PCNT: variants seen among roughly 807,000 people sequenced by gnomAD.
PCNT encodes the protein pericentrin.
PCNT carries 319 observed loss-of-function variants against 380.4 expected under a neutral mutation model. That is an observed-to-expected ratio of 0.84 (90% CI 0.77 to 0.92). The LOEUF is 0.92. Among genes scored for constraint, PCNT ranks in the 40% least tolerant of loss-of-function variants. The pLI is 0.00. For missense variants in PCNT, 4,400 were observed against 4,255.3 expected (o/e 1.03, Z -0.95); for synonymous variants, 1,845 against 1,735.2 (o/e 1.06, Z -1.57).
chr21:46,396,961 C>A (rs1197410764), intron 21 of PCNT, among the ~76,000 whole-genome samples: 1 of 152,130 alleles, frequency 6.6e-6, no homozygotes, highest in Non-Finnish European at 1.5e-5. Flanking sequence ...ACGTCACAAC[C>A]CCAGGCTCTC....
chr21:46,385,804 C>T (rs375521404), intron 16 of PCNT, 28 bp from the exon 17 acceptor site: 41 of 1,613,352 alleles, frequency 2.5e-5, no homozygotes, highest in Non-Finnish European at 3.0e-5. Context: ...ATTGTTTTAA[C>T]GAAAGCTTTA....
chr21:46,350,782 C>T (rs1269953931), intron 8 of PCNT, among the ~76,000 whole-genome samples: 1 of 152,036 alleles, frequency 6.6e-6, no homozygotes, highest in Non-Finnish European at 1.5e-5. Flanking sequence ...TCCAGGCTCT[C>T]CCTCCGAGAT....
chr21:46,432,238 G>A, intron 38 of PCNT, 23 bp downstream of exon 38: 1 of 1,589,300 alleles, frequency 6.3e-7, no homozygotes, highest in East Asian at 2.3e-5. Context: ...TGCCGGCGGA[G>A]CGTCCACACC....
chr21:46,383,021 C>T (rs1426366855), intron 16 of PCNT, among the ~76,000 whole-genome samples: 5 of 140,092 alleles, frequency 3.6e-5, no homozygotes, highest in East Asian at 2.1e-4. Context: ...CATTCAGTGG[C>T]GGAAGCCCAT....
Position 46,324,419 on chromosome 21 carries a change from G to A in PCNT, c.54+137G>A, listed in dbSNP as rs907621917. The A allele has an allele frequency of 1.4e-5, 11 of 795,166 alleles. No homozygotes were observed. The South Asian group carries it at 1.6e-4, about 12-fold the overall frequency. 49.3% of individuals were successfully genotyped at this position (795,166 alleles called of 1,614,324 possible). On this transcript the variant is annotated intron_variant, in intron 1 of 46. Transcript: ENST00000359568. ...GCGGAGGTCTCGCTTTTTCCCGCCGGCTCCGCTGGAAGCCGCCTCCTGGCC... is the reference window on the plus strand; with the variant it reads ...GCGGAGGTCTCGCTTTTTCCCGCCGACTCCGCTGGAAGCCGCCTCCTGGCC...
At chr21:46,429,123 T>G (rs553178703) in intron 35 of PCNT, among the ~76,000 whole-genome samples, 1 of 152,288 alleles carries the variant, frequency 6.6e-6, no homozygotes, top group East Asian at 1.9e-4. Flanking sequence ...CCTCTGTTCC[T>G]AGTTTTGGAT....
At chr21:46,391,638 G>C (rs1252047387) in intron 21 of PCNT, among the ~76,000 whole-genome samples, 1 of 152,324 alleles carries the variant, frequency 6.6e-6, no homozygotes. Context: ...GTGGAAATAA[G>C]AGGGGCTCTG....
chr21:46,324,210 C>A lies in PCNT; in HGVS notation c.-19C>A, dbSNP rs749062393. On this transcript the variant is annotated 5_prime_UTR_variant, in exon 1 of 47. Coordinates refer to ENST00000359568, the MANE Select transcript of PCNT (RefSeq NM_006031.6). ...TCAGCCCCGTCACCGCCGGGCGGCC[C>A]GCGCGGAGTCTGAGGGAGATGGAAG... The A allele has an allele frequency of 1.2e-6, 2 of 1,607,218 alleles. No homozygotes were observed. The highest frequency in any genetic ancestry group is 3.4e-5 in the Admixed American group (2 of 59,188).
At chr21:46,341,990 C>T (rs1033156558) in intron 3 of PCNT, among the ~76,000 whole-genome samples, 1 of 149,380 alleles carries the variant, frequency 6.7e-6, no homozygotes, top group African/African-American at 2.5e-5. Context: ...TGCCCAGCCT[C>T]GAGTGTGGTG....
rs897223508 is a variant in PCNT, at chr21:46,388,614, C to T, written c.3465-128C>T. ...ACATGGGCATGAGGATCATGTCTTC[C>T]GGCCCCGTGGGGACAGGCAGCCGTG... On this transcript the variant is annotated intron_variant, in intron 17 of 46. Coordinates refer to ENST00000359568, the MANE Select transcript of PCNT (RefSeq NM_006031.6). The surrounding 1 kb of genome is among the most constrained non-coding windows in gnomAD (Gnocchi z 4.2). 7.4e-5 allele frequency: 88 copies of T among 1,181,934 alleles called. No homozygotes were observed. The highest frequency in any genetic ancestry group is 2.4e-4 in the African/African-American group (16 of 67,082). The allele number at this position is 1,181,934 out of a possible 1,614,324, so 73.2% of individuals were successfully genotyped here.
At chr21:46,434,718 G>C (rs1457449743) in intron 38 of PCNT, among the ~76,000 whole-genome samples, 1 of 152,228 alleles carries the variant, frequency 6.6e-6, no homozygotes. Flanking sequence ...TTGAGGTCTG[G>C]CTTAGGAGCT....
At chr21:46,344,069 C>CTTTTT (rs1336295644) in intron 3 of PCNT, among the ~76,000 whole-genome samples, 3 of 142,298 alleles carry the variant, frequency 2.1e-5, no homozygotes, top group Admixed American at 7.1e-5. Context: ...CTTTTCTTTT[C>CTTTTT]TTTTTTTTTT....
intron 31 of PCNT, 129 bp downstream of exon 31, chr21:46,418,435 C>T (rs759419212): frequency 3.6e-5 from 25 of 699,002 alleles, no homozygotes; most frequent in South Asian, 9.6e-5. Flanking sequence ...CCCGGCTCTG[C>T]GCTTTGTCGG....
At chr21:46,391,576 A>G (rs1338515357) in intron 21 of PCNT, among the ~76,000 whole-genome samples, 200 bp downstream of exon 21, 2 of 152,146 alleles carry the variant, frequency 1.3e-5, no homozygotes, top group Non-Finnish European at 2.9e-5. Flanking sequence ...CCTTTCAGAG[A>G]AGGCGGGTTG....
chr21:46,443,542 A>G (rs1273873929), intron 44 of PCNT, among the ~76,000 whole-genome samples: 2 of 152,204 alleles, frequency 1.3e-5, no homozygotes, highest in Non-Finnish European at 2.9e-5. Flanking sequence ...CAGAGCGGAT[A>G]GAGGCAGGAC....
chr21:46,376,037 C>T (rs535778678), intron 15 of PCNT, among the ~76,000 whole-genome samples: 74 of 152,238 alleles, frequency 4.9e-4, no homozygotes, highest in Admixed American at 8.5e-4. Flanking sequence ...TGGTGGGCTG[C>T]GTGCAGTGTT....
rs183004597 is a variant in PCNT, at chr21:46,324,657, G to T, written c.54+375G>T. Among the ~76,000 whole-genome samples the T allele has an allele frequency of 6.6e-3, 997 of 151,836 alleles. 23 individuals carry two copies. Among genetic ancestry groups the T allele is most frequent in the East Asian group, 0.029 (152 of 5,154 alleles). ...AGGGGCGTGGCGTGGCTGCACGGAG[G>T]GGGTGGGGCGCGGCAGGCGCTGGAC... On this transcript the variant is annotated intron_variant, in intron 1 of 46. Transcript: ENST00000359568.
At chr21:46,393,113 C>T (rs1342715216) in intron 21 of PCNT, among the ~76,000 whole-genome samples, 2 of 152,136 alleles carry the variant, frequency 1.3e-5, no homozygotes, top group Non-Finnish European at 2.9e-5. Flanking sequence ...CTCAGGGCGG[C>T]GTCATCTCCC....
rs762715816 is a variant in PCNT at position 46,381,681 on chromosome 21, T to C, written c.3166-13T>C. On this transcript the variant is annotated splice_polypyrimidine_tract_variant and intron_variant, in intron 15 of 46. Transcript: ENST00000359568. ...AGCTTACTGGTATTTTTTATTGTTA[T>C]TGATGTGTACAGGGTGAATTTGGAA... The C allele has an allele frequency of 6.2e-7, 1 of 1,610,930 alleles. No individual in the cohort carries two copies. The highest frequency in any genetic ancestry group is 8.5e-7 in the Non-Finnish European group (1 of 1,177,062).
Sources: allele counts gnomAD v4.1 joint callset (sites outside exome capture counted in the v4.1 genomes callset), GRCh38; gene constraint gnomAD v4.1.1; non-coding constraint Gnocchi (gnomAD v3.1); transcripts MANE v1.5; gene names NCBI Gene and HGNC (gene_info 2026-07-23, HGNC 2026-07-21).